Variants in ASTN2 observed in about 807,000 individuals in gnomAD.
ASTN2 encodes the protein astrotactin-2.
ASTN2 carries 54 observed loss-of-function variants against 139.8 expected under a neutral mutation model. That is an observed-to-expected ratio of 0.39 (90% CI 0.31 to 0.48). The LOEUF (loss-of-function observed/expected upper bound fraction) is 0.48. Among genes scored for constraint, ASTN2 ranks in the 20% least tolerant of loss-of-function variants. The pLI, the probability that ASTN2 is intolerant of heterozygous loss-of-function variation, is 0.95. For synonymous variants in ASTN2, 756 were observed against 719.5 expected, an observed-to-expected ratio of 1.05 and a Z score of -0.81; for missense variants, 1,565 against 1,725.1, an observed-to-expected ratio of 0.91 and a Z score of 1.64.
intron 1 of ASTN2, among the ~76,000 whole-genome samples, chr9:117,380,118 T>C (rs1322536967): frequency 6.6e-6 from 1 of 152,194 alleles, no homozygotes; most frequent in East Asian, 1.9e-4. Context: ...GATCCATTTA[T>C]GTTTTTACTC....
intron 5 of ASTN2, among the ~76,000 whole-genome samples, chr9:117,041,598 C>A (rs921680764): frequency 6.6e-6 from 1 of 152,124 alleles, no homozygotes; most frequent in African/African-American, 2.4e-5. Flanking sequence ...GGGAGGTGCA[C>A]GCATATCTGT....
intron 7 of ASTN2, among the ~76,000 whole-genome samples, chr9:116,986,483 G>A (rs1836686935): frequency 6.6e-6 from 1 of 152,212 alleles, no homozygotes; most frequent in African/African-American, 2.4e-5. Flanking sequence ...GAAGAGGAGT[G>A]TGCAGGAGGT....
intron 15 of ASTN2, among the ~76,000 whole-genome samples, chr9:116,728,572 T>G (rs1006317332): frequency 3.9e-5 from 6 of 152,098 alleles, no homozygotes; most frequent in African/African-American, 1.4e-4. Context: ...GTATCGGAGA[T>G]GGACAGGAAA....
intron 5 of ASTN2, among the ~76,000 whole-genome samples, chr9:117,049,773 A>G (rs771547774): frequency 3.9e-5 from 6 of 152,218 alleles, no homozygotes; most frequent in Non-Finnish European, 7.4e-5. Flanking sequence ...TACATGCAAG[A>G]ATGAAAAAGG....
intron 3 of ASTN2, among the ~76,000 whole-genome samples, chr9:117,162,769 G>A (rs1416056114): frequency 1.3e-5 from 2 of 152,092 alleles, no homozygotes; most frequent in Non-Finnish European, 2.9e-5. Context: ...ATGTTGGTTA[G>A]TTATCAAAAT....
intron 1 of ASTN2, among the ~76,000 whole-genome samples, chr9:117,293,224 A>C (rs1220680278): frequency 6.6e-6 from 1 of 152,138 alleles, no homozygotes; most frequent in Non-Finnish European, 1.5e-5. Context: ...GTCCCTCTAC[A>C]TCAGCCACAT....
intron 10 of ASTN2, among the ~76,000 whole-genome samples, chr9:116,927,749 A>C (rs1227439665): frequency 1.3e-5 from 2 of 151,948 alleles, no homozygotes; most frequent in African/African-American, 2.4e-5. Context: ...GTGGGGGGAA[A>C]TTTTCTGATG....
chr9:117,242,246 T>A (rs1032709737), intron 2 of ASTN2, among the ~76,000 whole-genome samples: 1 of 152,024 alleles, frequency 6.6e-6, no homozygotes, highest in African/African-American at 2.4e-5. Flanking sequence ...TCCCAAGCAT[T>A]CCTATACATT....
chr9:116,731,019 C>T (rs1828763566), intron 14 of ASTN2, among the ~76,000 whole-genome samples: 1 of 151,948 alleles, frequency 6.6e-6, no homozygotes, highest in African/African-American at 2.4e-5. Flanking sequence ...TCAATAAATG[C>T]CTATCCACTG....
chr9:116,901,644 T>G (rs1834014239), intron 10 of ASTN2, among the ~76,000 whole-genome samples: 1 of 152,234 alleles, frequency 6.6e-6, no homozygotes, highest in African/African-American at 2.4e-5. Context: ...TAATAGTTGA[T>G]AATAATAATA....
At chr9:116,597,042 G>T (rs995549550) in intron 19 of ASTN2, among the ~76,000 whole-genome samples, 1 of 152,072 alleles carries the variant, frequency 6.6e-6, no homozygotes, top group African/African-American at 2.4e-5. Flanking sequence ...GGGTTATATT[G>T]TTCTCCTCTC....
At chr9:116,591,013 T>C (rs1360493924) in intron 19 of ASTN2, among the ~76,000 whole-genome samples, 1 of 152,212 alleles carries the variant, frequency 6.6e-6, no homozygotes, top group Non-Finnish European at 1.5e-5. Flanking sequence ...CTTGTCTGTG[T>C]ACCTTATTTT....
chr9:117,093,467 C>A (rs1207814927), intron 5 of ASTN2, among the ~76,000 whole-genome samples: 1 of 152,122 alleles, frequency 6.6e-6, no homozygotes, highest in African/African-American at 2.4e-5. Flanking sequence ...GGGATTTGAA[C>A]CCACGTAACC....
chr9:116,678,920 C>T (rs1859668310), intron 16 of ASTN2, among the ~76,000 whole-genome samples: 1 of 152,090 alleles, frequency 6.6e-6, no homozygotes, highest in Non-Finnish European at 1.5e-5. Context: ...TAAAGATGCA[C>T]TAATGCAAAC....
chr9:117,183,886 G>T (rs1831134314), intron 3 of ASTN2, among the ~76,000 whole-genome samples: 1 of 152,068 alleles, frequency 6.6e-6, no homozygotes, highest in Non-Finnish European at 1.5e-5. Flanking sequence ...CCTCCCTCTG[G>T]ATCTTTTATG....
At position 116,446,084 on chromosome 9, in the gene ASTN2, C is replaced by T. The variant is rs143157531; in HGVS notation, c.3498-3531G>A. 1.8e-3 allele frequency among the ~76,000 whole-genome samples: 276 copies of T among 151,834 alleles called. 7 individuals are homozygous for T. The East Asian group carries it at 0.047, about 26-fold the overall frequency. On this transcript the variant is annotated intron_variant, in intron 20 of 22. Transcript: ENST00000313400. ...CTTGTGAAGGAGAGAAAGTGGCAGT[C>T]CCTGATATGAAGGAGAGAGGGAGAA...
chr9:117,189,111 T>C lies in ASTN2; in HGVS notation c.1015+25247A>G, dbSNP rs757354250. The stretch of plus-strand genomic sequence containing the variant: ...CTCCTACATCCTGAACAATGTCTTA[T>C]AAAAGGACACAAAAAAGGTGAGGAT... On this transcript the variant is annotated intron_variant, in intron 3 of 22. Transcript: ENST00000313400. Among the ~76,000 whole-genome samples, 28 of 152,130 alleles carry C rather than the reference T, an allele frequency of 1.8e-4. No individual in the cohort carries two copies. The South Asian group carries it at 2.5e-3, about 14-fold the overall frequency.
chr9:117,211,998 A>G (rs1316127153), intron 3 of ASTN2, among the ~76,000 whole-genome samples: 2 of 152,220 alleles, frequency 1.3e-5, no homozygotes, highest in South Asian at 2.1e-4. Context: ...ACCTCAAAAT[A>G]TACTACAAAG....
chr9:116,517,776 A>G (rs1182757178), intron 19 of ASTN2, among the ~76,000 whole-genome samples: 2 of 152,306 alleles, frequency 1.3e-5, no homozygotes, highest in Middle Eastern at 3.4e-3. Flanking sequence ...ATATGAAAGG[A>G]AAATTCTTCA....
Sources: allele counts gnomAD v4.1 joint callset (sites outside exome capture counted in the v4.1 genomes callset), GRCh38; gene constraint gnomAD v4.1.1; transcripts MANE v1.5; gene names NCBI Gene and HGNC (gene_info 2026-07-23, HGNC 2026-07-21).